DLC1: variants seen among roughly 807,000 people sequenced by gnomAD.
The protein encoded by DLC1 is rho GTPase-activating protein 7.
DLC1 carries 54 observed loss-of-function variants against 140.3 expected under a neutral mutation model. That is an observed-to-expected ratio of 0.38 (90% CI 0.31 to 0.48). DLC1 has a LOEUF of 0.48. Among genes scored for constraint, DLC1 ranks in the 20% least tolerant of loss-of-function variants. DLC1 has a pLI of 0.96. For synonymous variants in DLC1, 986 were observed against 728.1 expected, an observed-to-expected ratio of 1.35 and a Z score of -5.70; for missense variants, 2,536 against 1,907.0, an observed-to-expected ratio of 1.33 and a Z score of -6.14.
At chr8:13,506,009 G>A (rs116848432) in intron 1 of DLC1, among the ~76,000 whole-genome samples, 3,996 of 152,168 alleles carry the variant, frequency 0.026, 70 homozygotes, top group Non-Finnish European at 0.034. Flanking sequence ...CCCATCAAAT[G>A]CAGGTATCTT....
At chr8:13,462,477 C>T (rs532882537) in intron 2 of DLC1, among the ~76,000 whole-genome samples, 4 of 150,288 alleles carry the variant, frequency 2.7e-5, no homozygotes, top group Non-Finnish European at 5.9e-5. Flanking sequence ...GATCTTGGCT[C>T]ACTGCAAGCT....
intron 2 of DLC1, among the ~76,000 whole-genome samples, chr8:13,411,236 C>A (rs1231482082): frequency 6.6e-6 from 1 of 152,168 alleles, no homozygotes; most frequent in East Asian, 1.9e-4. Context: ...GCACTAAAAA[C>A]AAATGAGCTA....
chr8:13,334,481 A>T (rs776077513), intron 4 of DLC1, among the ~76,000 whole-genome samples: 7 of 152,254 alleles, frequency 4.6e-5, no homozygotes, highest in East Asian at 3.9e-4. Flanking sequence ...CACTGTGCAC[A>T]TGGGGTAGAC....
At chr8:13,514,578 T>TA (rs1168131149) in intron 1 of DLC1, 24 bp downstream of exon 1, 26 of 398,490 alleles carry the variant, frequency 6.5e-5, no homozygotes, top group Middle Eastern at 1.3e-3. Flanking sequence ...CCTCAAAGCA[T>TA]AAAGATAGTC....
rs914735346 is a variant in DLC1 at position 13,101,279 on chromosome 8, T to C, written c.1567-509A>G. Among the ~76,000 whole-genome samples the C allele has an allele frequency of 1.3e-5, 2 of 152,320 alleles. 1 individual carries two copies. The highest frequency in any genetic ancestry group is 1.3e-4 in the Admixed American group (2 of 15,302). On this transcript the variant is annotated intron_variant, in intron 8 of 17. Coordinates refer to ENST00000276297, the MANE Select transcript of DLC1 (RefSeq NM_182643.3). ...TAACAGGAGAGTGCCTGACCAAATG[T>C]TGCAAGTTAAATAAGAACTATTTTA...
At chr8:13,116,780 G>C (rs1392322051) in intron 5 of DLC1, among the ~76,000 whole-genome samples, 3 of 152,036 alleles carry the variant, frequency 2.0e-5, no homozygotes, top group Non-Finnish European at 4.4e-5. Context: ...ACACAGGAAA[G>C]AGAAAAAAAA....
intron 5 of DLC1, among the ~76,000 whole-genome samples, chr8:13,187,445 G>C (rs143160327): frequency 6.6e-6 from 1 of 152,138 alleles, no homozygotes; most frequent in Non-Finnish European, 1.5e-5. Flanking sequence ...CTGATCTTCA[G>C]ATTTTAGTAT....
intron 5 of DLC1, among the ~76,000 whole-genome samples, chr8:13,281,072 C>A (rs955159300): frequency 1.3e-5 from 2 of 152,226 alleles, no homozygotes; most frequent in Non-Finnish European, 2.9e-5. Context: ...CTCTGTAACT[C>A]TGAAGGATGT....
At chr8:13,141,854 G>T (rs1349394093) in intron 5 of DLC1, among the ~76,000 whole-genome samples, 1 of 152,090 alleles carries the variant, frequency 6.6e-6, no homozygotes, top group Non-Finnish European at 1.5e-5. Flanking sequence ...GGAACTGCAA[G>T]GCAACGAATT....
intron 4 of DLC1, among the ~76,000 whole-genome samples, chr8:13,384,465 A>T (rs184993536): frequency 6.6e-6 from 1 of 152,362 alleles, no homozygotes; most frequent in East Asian, 1.9e-4. Flanking sequence ...TATATCCACG[A>T]AATGCTAAAT....
At chr8:13,119,296 C>T (rs1206060095) in intron 5 of DLC1, among the ~76,000 whole-genome samples, 2 of 151,508 alleles carry the variant, frequency 1.3e-5, no homozygotes, top group Non-Finnish European at 2.9e-5. Flanking sequence ...ACTTGGCATC[C>T]AACCTAATTG....
At chr8:13,221,706 GTGTATA>G (rs1222946187) in intron 5 of DLC1, among the ~76,000 whole-genome samples, 7 of 119,668 alleles carry the variant, frequency 5.8e-5, no homozygotes, top group African/African-American at 2.3e-4. Flanking sequence ...GTATATGTGT[GTGTATA>G]TGTGTGTGTG....
At chr8:13,306,900 A>G (rs1399832419) in intron 4 of DLC1, among the ~76,000 whole-genome samples, 2 of 151,640 alleles carry the variant, frequency 1.3e-5, no homozygotes. Context: ...CCTGACTAGC[A>G]TGGTGAAACC....
intron 1 of DLC1, among the ~76,000 whole-genome samples, chr8:13,548,159 C>G (rs1407118403): frequency 1.3e-5 from 2 of 151,994 alleles, no homozygotes; most frequent in Non-Finnish European, 2.9e-5. Context: ...TGTTCTAGCA[C>G]ATAGTAAAAG....
At chr8:13,258,981 C>CA (rs1164738128) in intron 5 of DLC1, among the ~76,000 whole-genome samples, 5 of 151,484 alleles carry the variant, frequency 3.3e-5, no homozygotes, top group African/African-American at 1.2e-4. Flanking sequence ...ACTAAAAATA[C>CA]AAAAAATTAG....
At chr8:13,295,378 C>A (rs1831906025) in intron 5 of DLC1, among the ~76,000 whole-genome samples, 2 of 152,168 alleles carry the variant, frequency 1.3e-5, no homozygotes, top group South Asian at 2.1e-4. Flanking sequence ...TCTGTGAGAA[C>A]TTTTCTACCT....
intron 1 of DLC1, among the ~76,000 whole-genome samples, chr8:13,583,563 C>A (rs1805192493): frequency 6.6e-6 from 1 of 152,026 alleles, no homozygotes; most frequent in South Asian, 2.1e-4. Context: ...CAACTTTTTC[C>A]AATAGGTAAA....
chr8:13,167,864 C>T (rs961567127), intron 5 of DLC1, among the ~76,000 whole-genome samples: 2 of 152,096 alleles, frequency 1.3e-5, no homozygotes, highest in African/African-American at 4.8e-5. Flanking sequence ...CAATTTAAAA[C>T]AAAAACAAAA....
At chr8:13,190,976 C>T (rs780480732) in intron 5 of DLC1, among the ~76,000 whole-genome samples, 2 of 151,164 alleles carry the variant, frequency 1.3e-5, no homozygotes, top group South Asian at 4.2e-4. Flanking sequence ...GCTTGCTCCA[C>T]ACTGTAGTAT....
Sources: allele counts gnomAD v4.1 joint callset (sites outside exome capture counted in the v4.1 genomes callset), GRCh38; gene constraint gnomAD v4.1.1; transcripts MANE v1.5; gene names NCBI Gene and HGNC (gene_info 2026-07-23, HGNC 2026-07-21).